SETDB2: variants seen among roughly 807,000 people sequenced by gnomAD.
SETDB2 encodes SET domain bifurcated histone lysine methyltransferase 2.
A neutral mutation model predicts 82.5 loss-of-function variants in SETDB2; 56 were observed. The observed-to-expected ratio is 0.68, with a 90% CI of 0.55 to 0.85. The LOEUF (loss-of-function observed/expected upper bound fraction) is 0.85, where lower values mean the gene tolerates loss of function less well. Among genes scored for constraint, SETDB2 ranks in the 40% least tolerant of loss-of-function variants. The pLI is 0.00. For synonymous variants in SETDB2, 272 were observed against 284.9 expected, an observed-to-expected ratio of 0.95 and a Z score of 0.46; for missense variants, 677 against 816.4, an observed-to-expected ratio of 0.83 and a Z score of 2.08.
At chr13:49,475,851 G>A (rs1174293608) in intron 5 of SETDB2, among the ~76,000 whole-genome samples, 1 of 151,636 alleles carries the variant, frequency 6.6e-6, no homozygotes, top group Admixed American at 6.6e-5. Context: ...CATTTTTTCA[G>A]ATGTATCAAT....
chr13:49,467,405 A>G (rs1186883200), intron 4 of SETDB2, among the ~76,000 whole-genome samples: 2 of 152,182 alleles, frequency 1.3e-5, no homozygotes, highest in African/African-American at 4.8e-5. Context: ...TCTCAAAAAA[A>G]AAGAAATGTG....
At chr13:49,469,870 AAGAC>A (rs781245025) in intron 5 of SETDB2, among the ~76,000 whole-genome samples, 10 of 152,290 alleles carry the variant, frequency 6.6e-5, no homozygotes, top group South Asian at 6.2e-4. Flanking sequence ...AAAGATGGAA[AAGAC>A]AAAGGCAGAA....
At chr13:49,463,521 C>T (rs990145518) in intron 4 of SETDB2, among the ~76,000 whole-genome samples, 1 of 152,122 alleles carries the variant, frequency 6.6e-6, no homozygotes, top group African/African-American at 2.4e-5. Context: ...AGCGTAGTGG[C>T]ATGAAAGGGT....
intron 12 of SETDB2, among the ~76,000 whole-genome samples, chr13:49,490,197 T>C (rs1958683310): frequency 7.0e-6 from 1 of 142,142 alleles, no homozygotes; most frequent in Non-Finnish European, 1.5e-5. Flanking sequence ...TGAGAATCAC[T>C]TGAACCCAGG....
chr13:49,483,812 G>A (rs1958534867), intron 10 of SETDB2, among the ~76,000 whole-genome samples: 2 of 151,630 alleles, frequency 1.3e-5, no homozygotes, highest in South Asian at 4.2e-4. Flanking sequence ...TAGAGATGGG[G>A]TCTCACTATA....
intron 10 of SETDB2, 58 bp downstream of exon 10, chr13:49,483,621 T>G (rs1455295262): frequency 2.0e-5 from 6 of 293,374 alleles, no homozygotes; most frequent in South Asian, 8.6e-5. Context: ...TTTTTTTTTT[T>G]TTTTTTTTTT....
In SETDB2 at chr13:49,493,941, T is replaced by C. The variant is rs773402836; in HGVS notation, c.*2092T>C. 2 of 152,236 alleles carry C rather than the reference T, an allele frequency of 1.3e-5. No individual in the cohort carries two copies. Among genetic ancestry groups the C allele is most frequent in the African/African-American group, 2.4e-5 (1 of 41,454 alleles). The allele number at this position is 152,236 out of a possible 1,614,324, so 9.4% of individuals were successfully genotyped here. A position where few individuals can be genotyped will look rare whatever the true frequency, so the allele number is the denominator to read the frequency against. ...CTGTTAAGAGTCCATTTTCATCCTTTGTACTAGGTGCCTGGTGGGATCATT... is the reference window on the plus strand; with the variant it reads ...CTGTTAAGAGTCCATTTTCATCCTTCGTACTAGGTGCCTGGTGGGATCATT... On this transcript the variant is annotated 3_prime_UTR_variant, in exon 14 of 14. Coordinates refer to ENST00000611815, the MANE Select transcript of SETDB2 (RefSeq NM_001160308.3).
chr13:49,484,111 G>A (rs1958543400), intron 10 of SETDB2, among the ~76,000 whole-genome samples: 2 of 152,206 alleles, frequency 1.3e-5, no homozygotes, highest in South Asian at 2.1e-4. Context: ...GGCTGTATGA[G>A]GAGAATGCTG....
At chr13:49,459,674 A>G (rs556426219) in intron 2 of SETDB2, among the ~76,000 whole-genome samples, 1 of 152,300 alleles carries the variant, frequency 6.6e-6, no homozygotes, top group South Asian at 2.1e-4. Context: ...AATTAAACAT[A>G]TAGAAGACTT....
chr13:49,461,025 G>A (rs1957981945), intron 3 of SETDB2, 72 bp from the exon 4 acceptor site: 2 of 1,154,186 alleles, frequency 1.7e-6, no homozygotes, highest in African/African-American at 1.5e-5. Flanking sequence ...GATAAAATAT[G>A]TAAATTGTTT....
At chr13:49,446,938 A>T (rs184299111) in intron 1 of SETDB2, among the ~76,000 whole-genome samples, 18 of 152,326 alleles carry the variant, frequency 1.2e-4, no homozygotes, top group Admixed American at 3.3e-4. Flanking sequence ...TTAATAGGTC[A>T]TGCTAAATTT....
At chr13:49,489,683 G>A (rs1188652737) in intron 12 of SETDB2, among the ~76,000 whole-genome samples, 3 of 132,078 alleles carry the variant, frequency 2.3e-5, no homozygotes, top group Admixed American at 8.7e-5. Flanking sequence ...TGCGATCTCC[G>A]CCTCCTAGGT....
At chr13:49,447,288 T>C (rs1957708360) in intron 1 of SETDB2, among the ~76,000 whole-genome samples, 1 of 152,186 alleles carries the variant, frequency 6.6e-6, no homozygotes, top group Non-Finnish European at 1.5e-5. Context: ...AAAAACATTT[T>C]CTCTTAGCTT....
intron 13 of SETDB2, among the ~76,000 whole-genome samples, chr13:49,491,238 C>T (rs527895999): frequency 1.1e-4 from 16 of 152,286 alleles, no homozygotes; most frequent in Non-Finnish European, 2.1e-4. Context: ...AAGATATATA[C>T]TATAGCCCCA....
Position 49,482,847 on chromosome 13 carries a change from G to A in SETDB2, c.1267G>A (p.Ala423Thr). Residue 423 changes from alanine to threonine, a missense_variant, in exon 9 of 14, where the codon GCA becomes ACA. Ala to Thr is a moderately conservative substitution (Grantham distance 58). Around this residue, in one of 3 missense-constraint regions of SETDB2, gnomAD observed 420 missense variants for 554.6 expected, o/e 0.76. Coordinates refer to ENST00000611815, the MANE Select transcript of SETDB2 (RefSeq NM_001160308.3). ...IFSKKRKLEV[A>T]CSDCEVEVLP... Reference sequence around the variant, plus strand: ...TTCAAAAAAGAGGAAATTAGAAGTTGCATGTTCAGATTGTGAAGTTGAAGT... The same window carrying A: ...TTCAAAAAAGAGGAAATTAGAAGTTACATGTTCAGATTGTGAAGTTGAAGT... The A allele has an allele frequency of 6.2e-7, 1 of 1,612,642 alleles. No homozygotes were observed.
intron 5 of SETDB2, among the ~76,000 whole-genome samples, chr13:49,472,466 C>G (rs1958270047): frequency 6.6e-6 from 1 of 152,336 alleles, no homozygotes; most frequent in East Asian, 1.9e-4. Context: ...CAGGTCCAGA[C>G]AGCCGTGGAC....
intron 2 of SETDB2, among the ~76,000 whole-genome samples, chr13:49,456,223 T>C (rs1957879095): frequency 6.6e-6 from 1 of 152,112 alleles, no homozygotes. Flanking sequence ...TTACTACATA[T>C]GTTTCTGTGT....
In SETDB2 at chr13:49,491,891, T is replaced by C; in HGVS notation, c.*42T>C. ...TGTTTGTGAAATTAGCTTATCAGGCTGAAATTAAAGCCATGCAAAAGAAGG... is the reference window on the plus strand; with the variant it reads ...TGTTTGTGAAATTAGCTTATCAGGCCGAAATTAAAGCCATGCAAAAGAAGG... On this transcript the variant is annotated 3_prime_UTR_variant, in exon 14 of 14. Transcript: ENST00000611815. 7.3e-7 allele frequency: 1 copy of C among 1,376,510 alleles called. No homozygotes were observed. Among genetic ancestry groups the C allele is most frequent in the Non-Finnish European group, 1.0e-6 (1 of 965,250 alleles). 85.3% of individuals were successfully genotyped at this position (1,376,510 alleles called of 1,614,324 possible). A position where few individuals can be genotyped will look rare whatever the true frequency, so the allele number is the denominator to read the frequency against.
intron 2 of SETDB2, among the ~76,000 whole-genome samples, chr13:49,453,923 C>G (rs1957829621): frequency 6.6e-6 from 1 of 151,860 alleles, no homozygotes; most frequent in Admixed American, 6.6e-5. Flanking sequence ...ATAAATATTT[C>G]TATATGTAAC....
Sources: gnomAD v4.1 joint callset for allele counts (sites outside exome capture counted in the v4.1 genomes callset) on GRCh38, gnomAD v4.1.1 for gene constraint, gnomAD v4.1.1 regional missense constraint, MANE v1.5 for transcripts, NCBI Gene and HGNC (gene_info 2026-07-23, HGNC 2026-07-21) for gene names.